The following QDPR variants were observed in gnomAD, a reference collection of about 807,000 sequenced individuals.
QDPR encodes dihydropteridine reductase.
In QDPR, 23 loss-of-function variants were observed where a neutral mutation model predicts 31.7. The ratio of observed to expected loss-of-function variants is 0.73; its 90% CI spans 0.52 to 1.03. QDPR has a LOEUF of 1.03. Among genes scored for constraint, QDPR ranks in the 50% least tolerant of loss-of-function variants. The pLI, the probability that QDPR is intolerant of heterozygous loss-of-function variation, is 0.00. For synonymous variants in QDPR, 124 were observed against 124.7 expected, an observed-to-expected ratio of 0.99 and a Z score of 0.03; for missense variants, 324 against 323.8, an observed-to-expected ratio of 1.00 and a Z score of 0.00.
intron 2 of QDPR, among the ~76,000 whole-genome samples, chr4:17,505,239 ATTTC>A (rs1718740981): frequency 8.0e-6 from 1 of 125,536 alleles, no homozygotes; most frequent in Non-Finnish European, 1.7e-5. Flanking sequence ...TCTTCTTAAG[ATTTC>A]TTTTTTTTTT....
chr4:17,502,252 G>A (rs908138238), intron 3 of QDPR, among the ~76,000 whole-genome samples: 6 of 152,188 alleles, frequency 3.9e-5, no homozygotes, highest in Non-Finnish European at 5.9e-5. Flanking sequence ...GCCTATTACT[G>A]TACAGCTATA....
Position 17,508,191 on chromosome 4 carries a change from C to T in QDPR, c.198+1080G>A, listed in dbSNP as rs537265875. Among the ~76,000 whole-genome samples, 10 of 152,322 alleles carry T rather than the reference C, an allele frequency of 6.6e-5. No homozygotes were observed. In the East Asian group the frequency reaches 1.7e-3, roughly 26 times the overall value. ...GTGGCTCATTCCTATAATCCCATTA[C>T]TTTGGGAGGCCAAGGTGGGTGGATA... On this transcript the variant is annotated intron_variant, in intron 2 of 6. Transcript: ENST00000281243.
chr4:17,496,939 T>C (rs1391064962), intron 4 of QDPR, among the ~76,000 whole-genome samples: 1 of 152,112 alleles, frequency 6.6e-6, no homozygotes, highest in Non-Finnish European at 1.5e-5. Context: ...TATTTTTTAG[T>C]AGAGATGGGG....
At chr4:17,500,167 G>C (rs1176939019) in intron 4 of QDPR, among the ~76,000 whole-genome samples, 1 of 152,120 alleles carries the variant, frequency 6.6e-6, no homozygotes, top group African/African-American at 2.4e-5. Flanking sequence ...GTGTTAGCCA[G>C]GGTGGTCTCA....
rs990103078 is a variant in QDPR, at chr4:17,489,170, A to G, written c.629+1492T>C. 6.5e-4 allele frequency among the ~76,000 whole-genome samples: 99 copies of G among 152,134 alleles called. 1 individual carries two copies. The highest frequency in any genetic ancestry group is 2.3e-3 in the African/African-American group (97 of 41,420). On this transcript the variant is annotated intron_variant, in intron 6 of 6. Coordinates refer to ENST00000281243, the MANE Select transcript of QDPR (RefSeq NM_000320.3). ...AGTGAGAACGCCATTCTAACCAGGG[A>G]TGGTAGAGGAAGGATGTGCTCACAG... is the stretch of plus-strand genomic sequence containing the variant.
rs1718753116 is a variant in QDPR at position 17,505,447 on chromosome 4, A to T, written c.199-972T>A. Among the ~76,000 whole-genome samples, 3 of 152,120 alleles carry T rather than the reference A, an allele frequency of 2.0e-5. No individual in the cohort carries two copies. The South Asian group carries it at 6.2e-4, about 31-fold the overall frequency. On this transcript the variant is annotated intron_variant, in intron 2 of 6. Transcript: ENST00000281243. ...TTTTTAGTAGAGATGGGGTTTCGCC[A>T]TGTTGGCCAGGCTTGTCTCGAACTC... is the stretch of plus-strand genomic sequence containing the variant.
chr4:17,509,351 C>A lies in QDPR; in HGVS notation c.118G>T (p.Val40Phe), dbSNP rs769586091. Reference protein sequence around the residue: ...FRARNWWVASVDVVENEEASA... With the variant: ...FRARNWWVASFDVVENEEASA... ...GCCTCTTCATTCTCCACCACATCAA[C>A]GCTGGCAACCCACTGGAAGGAGAAA... The change falls in exon 2 of 7, where the codon GTT (valine) becomes TTT (phenylalanine). Residue 40 changes from valine (V) to phenylalanine (F), a missense_variant. Coordinates refer to ENST00000281243, the MANE Select transcript of QDPR (RefSeq NM_000320.3). 6.2e-7 allele frequency: 1 copy of A among 1,613,750 alleles called. No individual in the cohort carries two copies. Among genetic ancestry groups the A allele is most frequent in the South Asian group, 1.1e-5 (1 of 91,078 alleles).
At chr4:17,501,413 T>C (rs1718556248) in intron 4 of QDPR, among the ~76,000 whole-genome samples, 1 of 152,330 alleles carries the variant, frequency 6.6e-6, no homozygotes, top group South Asian at 2.1e-4. Flanking sequence ...TAATAATCCA[T>C]GTTTATTAAT....
At chr4:17,505,243 CTTTTTTTTTTTT>C (rs1230268105) in intron 2 of QDPR, among the ~76,000 whole-genome samples, 5 of 103,298 alleles carry the variant, frequency 4.8e-5, no homozygotes, top group South Asian at 3.6e-4. Context: ...CTTAAGATTT[CTTTTTTTTTTTT>C]TTTTTTTTTT....
At chr4:17,508,024 A>C (rs1718849256) in intron 2 of QDPR, among the ~76,000 whole-genome samples, 1 of 152,224 alleles carries the variant, frequency 6.6e-6, no homozygotes, top group Non-Finnish European at 1.5e-5. Context: ...ATATTTACGT[A>C]GTTTTGTTGG....
At chr4:17,511,085 T>A (rs1378270407) in intron 1 of QDPR, among the ~76,000 whole-genome samples, 4 of 152,176 alleles carry the variant, frequency 2.6e-5, no homozygotes, top group Non-Finnish European at 4.4e-5. Context: ...AGTTTTTTTT[T>A]AAAGAAAATC....
At chr4:17,502,873 T>C (rs554619395) in intron 3 of QDPR, among the ~76,000 whole-genome samples, 1 of 152,324 alleles carries the variant, frequency 6.6e-6, no homozygotes, top group South Asian at 2.1e-4. Flanking sequence ...ATCCCACAGA[T>C]GACTGACTTA....
intron 1 of QDPR, 35 bp downstream of exon 1, chr4:17,511,915 C>G: frequency 3.8e-6 from 6 of 1,597,528 alleles, no homozygotes; most frequent in Non-Finnish European, 5.1e-6. Context: ...CGGCCACCCC[C>G]GCGGAGACCC....
At chr4:17,501,570 T>C in intron 4 of QDPR, 149 bp downstream of exon 4, 1 of 930,594 alleles carries the variant, frequency 1.1e-6, no homozygotes, top group African/African-American at 1.6e-5. Context: ...CCTAAAATGA[T>C]TCAGGCCCAA....
chr4:17,497,269 A>G (rs3094278), intron 4 of QDPR, among the ~76,000 whole-genome samples: 76,971 of 151,922 alleles, frequency 0.51, 20,934 homozygotes, highest in Middle Eastern at 0.63. Context: ...TTAGTTTTCC[A>G]ATTTAAAAAC....
chr4:17,499,816 A>T (rs1363466105), intron 4 of QDPR, among the ~76,000 whole-genome samples: 2 of 152,170 alleles, frequency 1.3e-5, no homozygotes, highest in Non-Finnish European at 2.9e-5. Flanking sequence ...GCTACTCAGG[A>T]GGCCGAGGCA....
chr4:17,502,630 C>G (rs912191926), intron 3 of QDPR, among the ~76,000 whole-genome samples: 1 of 152,240 alleles, frequency 6.6e-6, no homozygotes, highest in Admixed American at 6.5e-5. Flanking sequence ...CTAACCTGAT[C>G]ACCTCACAAA....
rs552174624 is a variant in QDPR at position 17,507,267 on chromosome 4, G to A, written c.198+2004C>T. Among the ~76,000 whole-genome samples, 10 of 152,238 alleles carry A rather than the reference G, an allele frequency of 6.6e-5. No individual in the cohort carries two copies. In the East Asian group the frequency reaches 1.4e-3, roughly 21 times the overall value. ...CTTGTTGGCCTTGTCACTTAGTCGC[G>A]CAAACTTGTCTTCACAGCTGTAAAA... is the stretch of plus-strand genomic sequence containing the variant. On this transcript the variant is annotated intron_variant, in intron 2 of 6. Coordinates refer to ENST00000281243, the MANE Select transcript of QDPR (RefSeq NM_000320.3).
chr4:17,509,342 C>G lies in QDPR; in HGVS notation c.127G>C (p.Val43Leu). The change falls in exon 2 of 7, where the codon GTG (valine) becomes CTG (leucine). Residue 43 changes from valine to leucine, a missense_variant. Val to Leu is a conservative substitution (Grantham distance 32). Transcript: ENST00000281243. ...CTAGCGCTGGCCTCTTCATTCTCCACCACATCAACGCTGGCAACCCACTGG... is the reference window on the plus strand; with the variant it reads ...CTAGCGCTGGCCTCTTCATTCTCCAGCACATCAACGCTGGCAACCCACTGG... ...RNWWVASVDV[V>L]ENEEASASII... 6.2e-7 allele frequency: 1 copy of G among 1,613,888 alleles called. No homozygotes were observed. The highest frequency in any genetic ancestry group is 1.7e-5 in the Admixed American group (1 of 60,016).
Sources: gnomAD v4.1 joint callset for allele counts (sites outside exome capture counted in the v4.1 genomes callset) on GRCh38, gnomAD v4.1.1 for gene constraint, MANE v1.5 for transcripts, NCBI Gene and HGNC (gene_info 2026-07-23, HGNC 2026-07-21) for gene names.